The following ITPRID1 variants were observed in gnomAD, a reference collection of about 807,000 sequenced individuals.
ITPRID1 encodes the protein protein ITPRID1.
A neutral mutation model predicts 95.4 loss-of-function variants in ITPRID1; 96 were observed. That is an observed-to-expected ratio of 1.01 (90% CI 0.85 to 1.19). The LOEUF is 1.19. ITPRID1 is among the 50% of genes most tolerant of loss of function. The probability of loss-of-function intolerance (pLI) is 0.00; values close to 1 mark genes in which losing one functional copy is unlikely to be tolerated. For synonymous variants in ITPRID1, 510 were observed against 453.6 expected, an observed-to-expected ratio of 1.12 and a Z score of -1.58; for missense variants, 1,339 against 1,252.9, an observed-to-expected ratio of 1.07 and a Z score of -1.04.
At chr7:31,632,686 A>G (rs1388204388) in intron 10 of ITPRID1, among the ~76,000 whole-genome samples, 1 of 152,098 alleles carries the variant, frequency 6.6e-6, no homozygotes, top group Non-Finnish European at 1.5e-5. Context: ...AGCAGCAGGA[A>G]AAGAGCAGTC....
At chr7:31,634,136 G>A (rs536019149) in intron 10 of ITPRID1, among the ~76,000 whole-genome samples, 6 of 152,276 alleles carry the variant, frequency 3.9e-5, no homozygotes, top group South Asian at 2.1e-4. Flanking sequence ...TGCCTGAGGC[G>A]TCTGTCTCCT....
At chr7:31,583,380 C>G (rs1785475724) in intron 10 of ITPRID1, among the ~76,000 whole-genome samples, 189 bp downstream of exon 10, 1 of 152,194 alleles carries the variant, frequency 6.6e-6, no homozygotes, top group Non-Finnish European at 1.5e-5. Flanking sequence ...AATCTCAGCA[C>G]TGTGGGAGGC....
chr7:31,639,864 TTTC>T (rs1334135595), intron 10 of ITPRID1, among the ~76,000 whole-genome samples: 1 of 152,308 alleles, frequency 6.6e-6, no homozygotes, highest in Non-Finnish European at 1.5e-5. Context: ...TTTAATGCTC[TTTC>T]TTAATTGATA....
chr7:31,551,004 C>T (rs1784269347), intron 2 of ITPRID1, among the ~76,000 whole-genome samples: 1 of 143,876 alleles, frequency 7.0e-6, no homozygotes, highest in African/African-American at 2.4e-5. Flanking sequence ...GTTTCCTCCA[C>T]AGTGCAAACT....
At chr7:31,648,939 G>T (rs141213916) in intron 12 of ITPRID1, among the ~76,000 whole-genome samples, 6 of 152,306 alleles carry the variant, frequency 3.9e-5, no homozygotes, top group South Asian at 2.1e-4. Context: ...GTCAGAACAC[G>T]TATCTATAAC....
chr7:31,515,317 A>C (rs1422811463), intron 1 of ITPRID1, among the ~76,000 whole-genome samples: 1 of 152,006 alleles, frequency 6.6e-6, no homozygotes, highest in Non-Finnish European at 1.5e-5. Context: ...GAGAGAAACA[A>C]GTTGTGGTAT....
In ITPRID1 at chr7:31,595,581, C is replaced by A. The variant is rs190372259; in HGVS notation, c.1228+12390C>A. On this transcript the variant is annotated intron_variant, in intron 10 of 14. Transcript: ENST00000615280. ...CAGATCACTTGAATAATAATGAAGA[C>A]ATTTTATGTAAAATTGGAGAGTTCT... Among the ~76,000 whole-genome samples the A allele has an allele frequency of 3.3e-5, 5 of 151,444 alleles. No individual in the cohort carries two copies. The East Asian group carries it at 9.6e-4, about 29-fold the overall frequency.
At chr7:31,591,086 T>C (rs1324321673) in intron 10 of ITPRID1, among the ~76,000 whole-genome samples, 1 of 152,166 alleles carries the variant, frequency 6.6e-6, no homozygotes. Flanking sequence ...CAACACTGAC[T>C]GTGGAATGGG....
intron 1 of ITPRID1, among the ~76,000 whole-genome samples, chr7:31,516,819 G>C (rs1028886403): frequency 2.6e-5 from 4 of 152,174 alleles, no homozygotes; most frequent in African/African-American, 9.7e-5. Flanking sequence ...GTGGCCAGAA[G>C]TGGTGGGTTC....
At chr7:31,587,455 G>C (rs538752321) in intron 10 of ITPRID1, among the ~76,000 whole-genome samples, 2,987 of 149,716 alleles carry the variant, frequency 0.02, 91 homozygotes, top group African/African-American at 0.069. Flanking sequence ...CCTCTTCAAG[G>C]AGAACTACAA....
At chr7:31,552,854 C>T (rs1784327062) in intron 2 of ITPRID1, 148 bp from the exon 3 acceptor site, 1 of 801,392 alleles carries the variant, frequency 1.2e-6, no homozygotes, top group African/African-American at 1.7e-5. Flanking sequence ...GAGCTTGGCT[C>T]AGGTGGGTGA....
intron 10 of ITPRID1, among the ~76,000 whole-genome samples, chr7:31,641,814 G>A (rs2041367): frequency 0.72 from 109,257 of 152,106 alleles, 39,888 homozygotes; most frequent in East Asian, 0.83. Flanking sequence ...TATATAAAAT[G>A]TGGTCTTTCA....
At chr7:31,619,808 G>T (rs1016607523) in intron 10 of ITPRID1, among the ~76,000 whole-genome samples, 1 of 152,150 alleles carries the variant, frequency 6.6e-6, no homozygotes, top group Non-Finnish European at 1.5e-5. Context: ...GCGAGGCATT[G>T]CCTCCCTCGG....
In ITPRID1 at chr7:31,615,750, TTC is replaced by T. The variant is rs1474584976; in HGVS notation, c.1229-26424_1229-26423del. ...GTAGCGTGTTAGAGTTTACTGAGAA[TTC>T]TTTTTTTTTTTTTTTTTCTGAGACA... On this transcript the variant is annotated intron_variant, in intron 10 of 14. Transcript: ENST00000615280. Among the ~76,000 whole-genome samples the T allele has an allele frequency of 5.3e-4, 30 of 56,976 alleles. No homozygotes were observed. The East Asian group carries it at 0.033, about 63-fold the overall frequency. 37.4% of individuals were successfully genotyped at this position (56,976 alleles called of 152,430 possible).
intron 5 of ITPRID1, among the ~76,000 whole-genome samples, chr7:31,567,033 A>G (rs1784824567): frequency 6.6e-6 from 1 of 152,186 alleles, no homozygotes; most frequent in South Asian, 2.1e-4. Context: ...TGGAATTCCT[A>G]TGATAAAACC....
At chr7:31,650,204 T>C (rs558155710) in intron 12 of ITPRID1, among the ~76,000 whole-genome samples, 1 of 152,316 alleles carries the variant, frequency 6.6e-6, no homozygotes, top group South Asian at 2.1e-4. Context: ...ATAATCAACA[T>C]TTAATAAATA....
At chr7:31,522,084 T>G (rs1308451407) in intron 1 of ITPRID1, among the ~76,000 whole-genome samples, 1 of 152,092 alleles carries the variant, frequency 6.6e-6, no homozygotes, top group Non-Finnish European at 1.5e-5. Context: ...GCAAGTCTTT[T>G]TCTAACTAAG....
intron 10 of ITPRID1, among the ~76,000 whole-genome samples, chr7:31,585,525 A>G (rs895961066): frequency 6.6e-6 from 1 of 152,200 alleles, no homozygotes; most frequent in Non-Finnish European, 1.5e-5. Flanking sequence ...GGAGAAGTCT[A>G]TCATTCATAT....
At chr7:31,609,808 A>AT (rs1004887712) in intron 10 of ITPRID1, among the ~76,000 whole-genome samples, 13 of 150,164 alleles carry the variant, frequency 8.7e-5, no homozygotes, top group African/African-American at 2.4e-4. Flanking sequence ...AATCTTTATT[A>AT]TTTTTTTTCA....
Sources: allele counts gnomAD v4.1 joint callset (sites outside exome capture counted in the v4.1 genomes callset), GRCh38; gene constraint gnomAD v4.1.1; transcripts MANE v1.5; gene names NCBI Gene and HGNC (gene_info 2026-07-23, HGNC 2026-07-21).